The following PPFIA1 variants were observed in gnomAD, a reference collection of about 807,000 sequenced individuals.
PPFIA1 encodes PPFI scaffold protein A1.
PPFIA1 carries 25 observed loss-of-function variants against 149.9 expected under a neutral mutation model. The observed-to-expected ratio is 0.17, with a 90% CI of 0.12 to 0.23. PPFIA1 has a LOEUF of 0.23. Among genes scored for constraint, PPFIA1 ranks in the 10% least tolerant of loss-of-function variants. The probability of loss-of-function intolerance (pLI) is 1.00; values close to 1 mark genes in which losing one functional copy is unlikely to be tolerated. For synonymous variants in PPFIA1, 549 were observed against 552.8 expected, an observed-to-expected ratio of 0.99 and a Z score of 0.10; for missense variants, 1,362 against 1,506.5, an observed-to-expected ratio of 0.90 and a Z score of 1.59.
At chr11:70,342,384 A>G (rs1369825679) in intron 14 of PPFIA1, among the ~76,000 whole-genome samples, 3 of 152,078 alleles carry the variant, frequency 2.0e-5, no homozygotes, top group Non-Finnish European at 4.4e-5. Flanking sequence ...TGGGGGCTTG[A>G]AGAGTGAGGT....
chr11:70,360,437 C>CAGAT (rs1158360354), intron 19 of PPFIA1, among the ~76,000 whole-genome samples: 1 of 152,266 alleles, frequency 6.6e-6, no homozygotes, highest in African/African-American at 2.4e-5. Context: ...TGGCAGCAGT[C>CAGAT]AGATCCTCCC....
At chr11:70,379,992 T>C (rs2057643449) in intron 26 of PPFIA1, among the ~76,000 whole-genome samples, 1 of 152,250 alleles carries the variant, frequency 6.6e-6, no homozygotes, top group South Asian at 2.1e-4. Flanking sequence ...CTCTGTCACC[T>C]GGAGTCCACG....
At position 70,343,708 on chromosome 11, in the gene PPFIA1, C is replaced by A. The variant is rs2055495867; in HGVS notation, c.1747C>A (p.Gln583Lys). ...LNEQDWERAQ[Q>K]ASVLANVAQA... ...TGAGCAGGATTGGGAACGTGCCCAGCAAGCTAGTGTCTTGGCAAATGTAGC... is the reference window on the plus strand; with the variant it reads ...TGAGCAGGATTGGGAACGTGCCCAGAAAGCTAGTGTCTTGGCAAATGTAGC... The change falls in exon 15 of 28, where the codon CAA (glutamine) becomes AAA (lysine). Residue 583 changes from glutamine (Q) to lysine (K), a missense_variant. Coordinates refer to ENST00000253925, the MANE Select transcript of PPFIA1 (RefSeq NM_003626.5). The A allele has an allele frequency of 6.2e-7, 1 of 1,614,116 alleles. No individual in the cohort carries two copies. The highest frequency in any genetic ancestry group is 1.3e-5 in the African/African-American group (1 of 74,942).
At chr11:70,377,990 T>G (rs1241175528) in intron 25 of PPFIA1, 40 bp from the exon 26 acceptor site, 1 of 1,514,056 alleles carries the variant, frequency 6.6e-7, no homozygotes, top group Admixed American at 1.8e-5. Flanking sequence ...TGACCTTTAT[T>G]TTTTAAATGA....
chr11:70,372,684 A>T, intron 23 of PPFIA1, 110 bp downstream of exon 23: 1 of 841,306 alleles, frequency 1.2e-6, no homozygotes, highest in Non-Finnish European at 1.9e-6. Flanking sequence ...ATTTAAGTGG[A>T]GAAAACTAAC....
intron 2 of PPFIA1, among the ~76,000 whole-genome samples, chr11:70,294,076 A>G (rs1478458159): frequency 6.6e-6 from 1 of 151,016 alleles, no homozygotes; most frequent in African/African-American, 2.4e-5. Context: ...AGCTGGGACC[A>G]TTGGTGTGCA....
Position 70,325,579 on chromosome 11 carries a change from G to A in PPFIA1, c.606+5G>A. The A allele has an allele frequency of 6.5e-7, 1 of 1,540,278 alleles. No homozygotes were observed. The highest frequency in any genetic ancestry group is 1.1e-5 in the South Asian group (1 of 89,510). ...TTAGGTGCCACACACAAAGAGGTAA[G>A]CTTGAGACTTCATCATGAGTTGAAT... On this transcript the variant is annotated splice_donor_5th_base_variant and intron_variant, in intron 5 of 27. Transcript: ENST00000253925.
Position 70,372,282 on chromosome 11 carries a change from C to G in PPFIA1, c.2933C>G (p.Pro978Arg), listed in dbSNP as rs1362132616. 1 of 1,614,216 alleles carries G rather than the reference C, an allele frequency of 6.2e-7. No individual in the cohort carries two copies. The change falls in exon 22 of 28, where the codon CCC (proline) becomes CGC (arginine). Residue 978 changes from proline to arginine, a missense_variant. Around this residue, in one of 7 missense-constraint regions of PPFIA1, gnomAD observed 349 missense variants for 373.3 expected, o/e 0.93. Coordinates refer to ENST00000253925, the MANE Select transcript of PPFIA1 (RefSeq NM_003626.5). ...GNEWLPSLGL[P>R]QYRSYFMECL... ...GAGTGGCTCCCCAGCCTGGGCCTCC[C>G]CCAGTACCGCAGCTACTTCATGGAG...
At chr11:70,330,590 A>G (rs1282924419) in intron 8 of PPFIA1, among the ~76,000 whole-genome samples, 2 of 152,230 alleles carry the variant, frequency 1.3e-5, no homozygotes, top group Non-Finnish European at 2.9e-5. Flanking sequence ...AGGAGCAGAG[A>G]GTGGCAAAGA....
chr11:70,300,137 C>G (rs183412991), intron 2 of PPFIA1, among the ~76,000 whole-genome samples: 89 of 146,000 alleles, frequency 6.1e-4, no homozygotes, highest in African/African-American at 2.2e-3. Context: ...CCCTCCATCA[C>G]TGCCAGCCAT....
intron 15 of PPFIA1, among the ~76,000 whole-genome samples, chr11:70,344,107 A>G (rs1231361902): frequency 2.6e-5 from 4 of 152,246 alleles, no homozygotes; most frequent in African/African-American, 9.6e-5. Flanking sequence ...CAGTTACGGC[A>G]CTAGTACCTT....
chr11:70,288,967 G>GTTT lies in PPFIA1; in HGVS notation c.264+16546_264+16548dup, dbSNP rs34756873. Among the ~76,000 whole-genome samples the GTTT allele has an allele frequency of 4.6e-3, 572 of 124,050 alleles. 1 individual carries two copies. Among genetic ancestry groups the GTTT allele is most frequent in the African/African-American group, 9.8e-3 (329 of 33,488 alleles). The allele number at this position is 124,050 out of a possible 152,430, so 81.4% of individuals were successfully genotyped here. A position where few individuals can be genotyped will look rare whatever the true frequency, so the allele number is the denominator to read the frequency against. The stretch of plus-strand genomic sequence containing the variant: ...ACTGTCACGGGGGTAGCATCTGGTT[G>GTTT]TTTTTTTTTTTTTTTTTGGGGACGG... On this transcript the variant is annotated intron_variant, in intron 2 of 27. Transcript: ENST00000253925.
chr11:70,348,228 A>C lies in PPFIA1; in HGVS notation c.1971A>C (p.Ala657=). 1 of 1,614,226 alleles carries C rather than the reference A, an allele frequency of 6.2e-7. No individual in the cohort carries two copies. The highest frequency in any genetic ancestry group is 8.5e-7 in the Non-Finnish European group (1 of 1,180,044). ...QEEKENTEQR[A]EEIESRVGSG... ...AAAAAGAAAATACAGAGCAGCGGGCAGAGGAGATTGAAAGTCGAGTTGGCA... is the reference window on the plus strand; with the variant it reads ...AAAAAGAAAATACAGAGCAGCGGGCCGAGGAGATTGAAAGTCGAGTTGGCA... The change falls in exon 16 of 28, where the codon GCA becomes GCC. Residue 657 remains alanine, a synonymous_variant. Transcript: ENST00000253925.
At chr11:70,331,201 C>T (rs916891769) in intron 8 of PPFIA1, among the ~76,000 whole-genome samples, 15 of 151,154 alleles carry the variant, frequency 9.9e-5, no homozygotes, top group African/African-American at 3.7e-4. Flanking sequence ...TGCCACTGCA[C>T]TCCAGCCTGG....
intron 2 of PPFIA1, among the ~76,000 whole-genome samples, chr11:70,310,547 A>G (rs1299645455): frequency 6.6e-6 from 1 of 151,806 alleles, no homozygotes; most frequent in Non-Finnish European, 1.5e-5. Context: ...CACCACGCCC[A>G]GTTAATTTTG....
intron 2 of PPFIA1, among the ~76,000 whole-genome samples, chr11:70,315,681 T>G (rs1369187037): frequency 1.5e-5 from 1 of 66,600 alleles, no homozygotes; most frequent in East Asian, 2.6e-4. Context: ...TTTTTCTGTT[T>G]TTTTTTTTTT....
intron 11 of PPFIA1, among the ~76,000 whole-genome samples, chr11:70,336,959 C>T (rs1389382958): frequency 6.6e-6 from 1 of 152,242 alleles, no homozygotes; most frequent in Non-Finnish European, 1.5e-5. Flanking sequence ...CATTATCCCA[C>T]TCACCTCCTT....
intron 21 of PPFIA1, chr11:70,365,273 C>T (rs1017227441): frequency 1.5e-5 from 6 of 394,468 alleles, no homozygotes; most frequent in African/African-American, 6.3e-5. Flanking sequence ...TTTGCCTCCT[C>T]GGCCCCTTCT....
At chr11:70,360,625 A>AAG (rs1342588238) in intron 19 of PPFIA1, among the ~76,000 whole-genome samples, 2 of 152,262 alleles carry the variant, frequency 1.3e-5, no homozygotes, top group African/African-American at 4.8e-5. Context: ...AAGGGAACGG[A>AAG]AGGCAGGGTT....
Sources: gnomAD v4.1 joint callset for allele counts (sites outside exome capture counted in the v4.1 genomes callset) on GRCh38, gnomAD v4.1.1 for gene constraint, gnomAD v4.1.1 regional missense constraint, MANE v1.5 for transcripts, NCBI Gene and HGNC (gene_info 2026-07-23, HGNC 2026-07-21) for gene names.